Variants in MYO16 observed in about 807,000 individuals in gnomAD.
The protein encoded by MYO16 is myosin XVI, also known as unconventional myosin-XVI.
MYO16 carries 94 observed loss-of-function variants against 205.3 expected under a neutral mutation model. The ratio of observed to expected loss-of-function variants is 0.46; its 90% CI spans 0.39 to 0.54. MYO16 has a LOEUF of 0.54. Ranked by LOEUF, MYO16 falls within the 20% of genes least tolerant of loss-of-function variation. The pLI is 0.00. For synonymous variants in MYO16, 988 were observed against 954.0 expected (o/e 1.04, Z -0.66); for missense variants, 2,315 against 2,387.5 (o/e 0.97, Z 0.63).
intron 32 of MYO16, among the ~76,000 whole-genome samples, chr13:109,146,063 C>T (rs1366824348): frequency 6.6e-6 from 1 of 152,150 alleles, no homozygotes; most frequent in African/African-American, 2.4e-5. Context: ...TATTTCTTTG[C>T]ATATAGTAGG....
intron 2 of MYO16, among the ~76,000 whole-genome samples, chr13:108,674,981 A>G (rs1053916354): frequency 1.3e-5 from 2 of 152,166 alleles, no homozygotes; most frequent in Non-Finnish European, 2.9e-5. Flanking sequence ...TAGCAGAGAG[A>G]GGGAAGTGGC....
the MYO16 span, among the ~76,000 whole-genome samples, chr13:108,560,409 T>C: frequency 1.3e-5 from 2 of 152,234 alleles, no homozygotes; most frequent in African/African-American, 4.8e-5. Flanking sequence ...TTTGTCAAGA[T>C]AAAATTTCTG....
At chr13:108,900,912 G>A (rs1435313366) in intron 15 of MYO16, among the ~76,000 whole-genome samples, 1 of 152,164 alleles carries the variant, frequency 6.6e-6, no homozygotes, top group Non-Finnish European at 1.5e-5. Flanking sequence ...TCTCAGCAAG[G>A]AACATCCCTG....
chr13:108,817,763 T>C (rs1227572839), intron 7 of MYO16, among the ~76,000 whole-genome samples: 1 of 152,234 alleles, frequency 6.6e-6, no homozygotes, highest in Admixed American at 6.5e-5. Context: ...TCCGTTGTTT[T>C]GACTCCTCTT....
At chr13:108,872,059 C>CA (rs1172199317) in intron 12 of MYO16, among the ~76,000 whole-genome samples, 2 of 152,152 alleles carry the variant, frequency 1.3e-5, no homozygotes, top group African/African-American at 4.8e-5. Flanking sequence ...ATTAGTTTGG[C>CA]ATTTCATGCC....
chr13:109,022,930 C>A (rs567245978), intron 23 of MYO16, among the ~76,000 whole-genome samples: 1 of 132,360 alleles, frequency 7.6e-6, no homozygotes, highest in African/African-American at 2.8e-5. Context: ...ATATTATATA[C>A]ACATGTAAAT....
At chr13:108,796,765 T>G (rs1359697262) in intron 6 of MYO16, among the ~76,000 whole-genome samples, 4 of 90,568 alleles carry the variant, frequency 4.4e-5, no homozygotes, top group East Asian at 6.8e-4. Context: ...TGGGGCCTGT[T>G]GTGGGGTGGG....
intron 21 of MYO16, among the ~76,000 whole-genome samples, chr13:109,007,517 G>C (rs1041474045): frequency 1.3e-5 from 2 of 150,530 alleles, no homozygotes; most frequent in Non-Finnish European, 3.0e-5. Flanking sequence ...ATAAGAATTT[G>C]AGATAATAAG....
intron 28 of MYO16, among the ~76,000 whole-genome samples, chr13:109,113,044 T>C (rs373834605): frequency 3.3e-5 from 5 of 152,358 alleles, no homozygotes; most frequent in African/African-American, 9.6e-5. Flanking sequence ...GACATGGATG[T>C]ACTACTGTAA....
intron 4 of MYO16, among the ~76,000 whole-genome samples, chr13:108,730,006 G>A (rs768009111): frequency 6.6e-6 from 1 of 152,168 alleles, no homozygotes; most frequent in Non-Finnish European, 1.5e-5. Context: ...TAAAATAACA[G>A]TGTAGTGACT....
chr13:108,951,435 G>T (rs1053336631), intron 16 of MYO16, among the ~76,000 whole-genome samples: 2 of 152,222 alleles, frequency 1.3e-5, no homozygotes, highest in East Asian at 3.8e-4. Context: ...TGAGGGCAAA[G>T]GCTGTGGGGT....
chr13:108,813,036 G>T (rs1887342770), intron 7 of MYO16, among the ~76,000 whole-genome samples: 1 of 152,082 alleles, frequency 6.6e-6, no homozygotes, highest in African/African-American at 2.4e-5. Context: ...TATGACAACT[G>T]TATAAAAGGA....
intron 2 of MYO16, among the ~76,000 whole-genome samples, chr13:108,668,463 A>C (rs938273357): frequency 6.6e-6 from 1 of 152,220 alleles, no homozygotes; most frequent in Non-Finnish European, 1.5e-5. Context: ...AATAGTGACA[A>C]ACAGCGTAAG....
chr13:109,207,036 C>A lies in MYO16; in HGVS notation c.*200C>A. 1.8e-6 allele frequency: 1 copy of A among 561,564 alleles called. No homozygotes were observed. The highest frequency in any genetic ancestry group is 2.2e-5 in the South Asian group (1 of 45,830). 34.8% of individuals were successfully genotyped at this position (561,564 alleles called of 1,614,324 possible). A position where few individuals can be genotyped will look rare whatever the true frequency, so the allele number is the denominator to read the frequency against. ...TGTGTGTGTGTGGGTTCTTTCTTAT[C>A]CATCTCGTGGTGATACACTCTGATT... is the stretch of plus-strand genomic sequence containing the variant. On this transcript the variant is annotated 3_prime_UTR_variant, in exon 35 of 35. Transcript: ENST00000457511.
chr13:108,630,439 A>G (rs1425638056), intron 1 of MYO16, among the ~76,000 whole-genome samples: 1 of 152,194 alleles, frequency 6.6e-6, no homozygotes, highest in Admixed American at 6.5e-5. Flanking sequence ...TCATATGGTG[A>G]AATTTAGTTT....
In MYO16 at chr13:109,100,837, G is replaced by T. The variant is rs750431213; in HGVS notation, c.3388G>T (p.Ala1130Ser). The stretch of plus-strand genomic sequence containing the variant: ...GCGTGAGAAGAAGGAACAGTCAGCT[G>T]CCGAGCGATGTCGACTTGTTCTCCA... ...FLREKKEQSA[A>S]ERCRLVLQQC... The change falls in exon 28 of 35, where the codon GCC becomes TCC. Residue 1130 changes from alanine to serine, a missense_variant. Around this residue, in one of 3 missense-constraint regions of MYO16, gnomAD observed 1,097 missense variants for 1,092.0 expected, o/e 1.00. Transcript: ENST00000457511. 3 of 1,613,572 alleles carry T rather than the reference G, an allele frequency of 1.9e-6. No individual in the cohort carries two copies. In the Admixed American group the frequency reaches 5.0e-5, roughly 27 times the overall value.
chr13:109,157,522 T>G (rs939825695), intron 32 of MYO16, among the ~76,000 whole-genome samples: 1 of 152,208 alleles, frequency 6.6e-6, no homozygotes, highest in Non-Finnish European at 1.5e-5. Flanking sequence ...AAGGCTCACC[T>G]GGCTGCTCCA....
chr13:108,782,957 T>C (rs1380716957), intron 4 of MYO16, among the ~76,000 whole-genome samples: 2 of 152,182 alleles, frequency 1.3e-5, no homozygotes, highest in African/African-American at 2.4e-5. Context: ...GAGGCCCTCA[T>C]GGAGAACCTC....
At chr13:108,693,369 C>T (rs914362846) in intron 2 of MYO16, among the ~76,000 whole-genome samples, 2 of 152,078 alleles carry the variant, frequency 1.3e-5, no homozygotes, top group Admixed American at 1.3e-4. Flanking sequence ...AATATTGTGC[C>T]CATTAATTAG....
Sources: allele counts gnomAD v4.1 joint callset (sites outside exome capture counted in the v4.1 genomes callset), GRCh38; gene constraint gnomAD v4.1.1; regional missense constraint gnomAD v4.1.1; transcripts MANE v1.5; gene names NCBI Gene and HGNC (gene_info 2026-07-23, HGNC 2026-07-21).